ACAP1: variants seen among roughly 807,000 people sequenced by gnomAD.
ACAP1 encodes ArfGAP with coiled-coil, ankyrin repeat and PH domains 1, also known as arf-GAP with coiled-coil, ANK repeat and PH domain-containing protein 1.
A neutral mutation model predicts 98.8 loss-of-function variants in ACAP1; 45 were observed. The observed-to-expected ratio is 0.46, with a 90% CI of 0.36 to 0.58. The LOEUF is 0.58. Among genes scored for constraint, ACAP1 ranks in the 20% least tolerant of loss-of-function variants. ACAP1 has a pLI of 0.00. For synonymous variants in ACAP1, 362 were observed against 375.3 expected, an observed-to-expected ratio of 0.96 and a Z score of 0.41; for missense variants, 735 against 971.4, an observed-to-expected ratio of 0.76 and a Z score of 3.24.
At chr17:7,346,984 T>C in intron 13 of ACAP1, 47 bp from the exon 14 acceptor site, 2 of 1,584,716 alleles carry the variant, frequency 1.3e-6, no homozygotes, top group Non-Finnish European at 1.7e-6. Flanking sequence ...TGGGGCACCC[T>C]TTACCCTAGG....
At chr17:7,340,096 T>C (rs1360180058) in intron 2 of ACAP1, among the ~76,000 whole-genome samples, 1 of 151,680 alleles carries the variant, frequency 6.6e-6, no homozygotes, top group Non-Finnish European at 1.5e-5. Context: ...CCCTTGTCTC[T>C]AAATAATGTT....
chr17:7,342,703 C>T, intron 5 of ACAP1: 1 of 581,428 alleles, frequency 1.7e-6, no homozygotes, highest in Admixed American at 3.0e-5. Context: ...AGTTCGAGAC[C>T]AGCCTGTCTA....
intron 2 of ACAP1, 71 bp downstream of exon 2, chr17:7,337,440 G>A: frequency 1.4e-6 from 2 of 1,384,204 alleles, no homozygotes; most frequent in Non-Finnish European, 2.1e-6. Flanking sequence ...GAGAAAGCTG[G>A]AGACACAGAA....
Position 7,350,848 on chromosome 17 carries a change from G to A in ACAP1, c.2073-102G>A. 8.7e-7 allele frequency: 1 copy of A among 1,149,136 alleles called. No individual in the cohort carries two copies. 71.2% of individuals were successfully genotyped at this position (1,149,136 alleles called of 1,614,324 possible). A position where few individuals can be genotyped will look rare whatever the true frequency, so the allele number is the denominator to read the frequency against. ...GACGGTCTCGATCTCCTGACCTCGT[G>A]ATCCGCCTGCCTCGGCCTCCCAAAG... is the stretch of plus-strand genomic sequence containing the variant. On this transcript the variant is annotated intron_variant, in intron 20 of 21. Coordinates refer to ENST00000158762, the MANE Select transcript of ACAP1 (RefSeq NM_014716.4). The surrounding 1 kb of genome is among the most constrained non-coding windows in gnomAD (Gnocchi z 4.6).
rs1369627414 is a variant in ACAP1, at chr17:7,349,626, C to T, written c.1852-319C>T. 2.6e-5 allele frequency: 8 copies of T among 308,658 alleles called. No homozygotes were observed. In the South Asian group the frequency reaches 3.1e-4, roughly 12 times the overall value. The allele number at this position is 308,658 out of a possible 1,614,324, so 19.1% of individuals were successfully genotyped here. ...TCCTGACCTTGTGATCCACCCGCCT[C>T]GGCCTCCCAAAGTGCTGGGATTACT... On this transcript the variant is annotated intron_variant, in intron 18 of 21. Transcript: ENST00000158762.
chr17:7,342,436 A>C lies in ACAP1; in HGVS notation c.306A>C (p.Gln102His). Residue 102 changes from glutamine (Q) to histidine (H), a missense_variant, in exon 5 of 22, where the codon CAA becomes CAC. Coordinates refer to ENST00000158762, the MANE Select transcript of ACAP1 (RefSeq NM_014716.4). Reference protein sequence around the residue: ...DSHAELLDATQHTLQQQIQTL... With the variant: ...DSHAELLDATHHTLQQQIQTL... ...CTCAGGAGCTTCTAGATGCCACCCA[A>C]CACACACTGCAGCAGCAGATCCAGA... 6.2e-7 allele frequency: 1 copy of C among 1,614,158 alleles called. No homozygotes were observed. Among genetic ancestry groups the C allele is most frequent in the South Asian group, 1.1e-5 (1 of 91,086 alleles).
At chr17:7,351,237 G>A in intron 21 of ACAP1, 58 bp from the exon 22 acceptor site, 4 of 1,447,512 alleles carry the variant, frequency 2.8e-6, no homozygotes, top group Non-Finnish European at 3.8e-6. Context: ...CCAACCGCCG[G>A]ATCCTGCCCT....
rs2073330727 is a variant in ACAP1 at position 7,344,728 on chromosome 17, A to G, written c.854+80A>G. On this transcript the variant is annotated intron_variant, in intron 10 of 21. Transcript: ENST00000158762. This position sits in a 1 kb window ranked among gnomAD's most constrained non-coding sequence, Gnocchi z 4.9. ...TGGTAATAGCACACTAAGCACTGCAAGGAAAAACAGACGAACCCCCCTGCC... is the reference window on the plus strand; with the variant it reads ...TGGTAATAGCACACTAAGCACTGCAGGGAAAAACAGACGAACCCCCCTGCC... 1 of 1,044,758 alleles carries G rather than the reference A, an allele frequency of 9.6e-7. No homozygotes were observed. Among genetic ancestry groups the G allele is most frequent in the Non-Finnish European group, 1.4e-6 (1 of 697,614 alleles). 64.7% of individuals were successfully genotyped at this position (1,044,758 alleles called of 1,614,324 possible).
At chr17:7,348,611 G>T in intron 17 of ACAP1, 136 bp downstream of exon 17, 2 of 996,788 alleles carry the variant, frequency 2.0e-6, no homozygotes, top group Non-Finnish European at 2.8e-6. Flanking sequence ...CCGTTTCAGG[G>T]GTTACGGTGG....
At chr17:7,337,277 C>T (rs2073229734) in intron 1 of ACAP1, 35 bp from the exon 2 acceptor site, 1 of 1,609,106 alleles carries the variant, frequency 6.2e-7, no homozygotes, top group African/African-American at 1.3e-5. Flanking sequence ...ACCAGATGGA[C>T]CCAAGCTCTC....
chr17:7,339,712 T>C (rs558830989), intron 2 of ACAP1, among the ~76,000 whole-genome samples: 18 of 152,308 alleles, frequency 1.2e-4, no homozygotes, highest in African/African-American at 4.3e-4. Flanking sequence ...GCATATACTC[T>C]TTTTTGGTGT....
chr17:7,349,274 T>C, intron 18 of ACAP1, 107 bp downstream of exon 18: 1 of 1,226,706 alleles, frequency 8.2e-7, no homozygotes, highest in Admixed American at 2.3e-5. Flanking sequence ...CCCTAGGGCT[T>C]CCACCCATAG....
intron 18 of ACAP1, 86 bp from the exon 19 acceptor site, chr17:7,349,859 C>A: frequency 9.0e-7 from 1 of 1,116,370 alleles, no homozygotes; most frequent in Non-Finnish European, 1.3e-6. Context: ...CCCTCCCATT[C>A]TCTGAACTGG....
chr17:7,347,754 C>G, intron 14 of ACAP1, 168 bp from the exon 15 acceptor site: 1 of 620,240 alleles, frequency 1.6e-6, no homozygotes, highest in Admixed American at 2.8e-5. Flanking sequence ...AGGGCCAGGT[C>G]AAGGCTACAT....
Position 7,343,645 on chromosome 17 carries a change from A to G in ACAP1, c.529-61A>G. ...TTGGGGGTCTCCAGTGTGCAGTGGG[A>G]AGGGGTGCTGTGTCTTCAAGACTGA... On this transcript the variant is annotated intron_variant, in intron 6 of 21. Coordinates refer to ENST00000158762, the MANE Select transcript of ACAP1 (RefSeq NM_014716.4). The surrounding 1 kb of genome is among the most constrained non-coding windows in gnomAD (Gnocchi z 4.9). The G allele has an allele frequency of 6.3e-7, 1 of 1,598,952 alleles. No individual in the cohort carries two copies. The highest frequency in any genetic ancestry group is 8.5e-7 in the Non-Finnish European group (1 of 1,170,378).
At position 7,347,183 on chromosome 17, in the gene ACAP1, G is replaced by T; in HGVS notation, c.1284G>T (p.Pro428=). ...AQCCDCREPA[P]EWASINLGVT... ...GCTGCGACTGCCGGGAGCCAGCCCC[G>T]GAGTGGGCCAGCATCAACCTTGGTG... Residue 428 remains proline, a synonymous_variant, in exon 14 of 22, where the codon CCG becomes CCT. Transcript: ENST00000158762. 6.2e-7 allele frequency: 1 copy of T among 1,614,100 alleles called. No homozygotes were observed.
In ACAP1 at chr17:7,341,995, T is replaced by C. The variant is rs749578079; in HGVS notation, c.159T>C (p.Leu53=). 7 of 1,614,204 alleles carry C rather than the reference T, an allele frequency of 4.3e-6. No homozygotes were observed. Among genetic ancestry groups the C allele is most frequent in the Non-Finnish European group, 5.9e-6 (7 of 1,180,034 alleles). Residue 53 remains leucine (L), a synonymous_variant, in exon 3 of 22, where the codon CTT becomes CTC. Coordinates refer to ENST00000158762, the MANE Select transcript of ACAP1 (RefSeq NM_014716.4). ...TGLLESGRHY[L]AASRAFVVGI... is the part of the protein sequence containing the mutation. ...TCCTGGAAAGTGGGCGCCATTACCT[T>C]GCTGCCAGCCGCGCCTTCGTTGTCG...
At chr17:7,346,216 T>A in intron 10 of ACAP1, 28 bp from the exon 11 acceptor site, 1 of 1,611,406 alleles carries the variant, frequency 6.2e-7, no homozygotes, top group Non-Finnish European at 8.5e-7. Flanking sequence ...AAGCTGCCTA[T>A]GTCTGTAATG....
intron 2 of ACAP1, among the ~76,000 whole-genome samples, chr17:7,341,382 C>T (rs900888411): frequency 1.3e-5 from 2 of 152,236 alleles, no homozygotes; most frequent in African/African-American, 4.8e-5. Flanking sequence ...GCTGGGATTA[C>T]AGGCATGTGC....
Sources: gnomAD v4.1 joint callset for allele counts (sites outside exome capture counted in the v4.1 genomes callset) on GRCh38, gnomAD v4.1.1 for gene constraint, Gnocchi (gnomAD v3.1) non-coding constraint, MANE v1.5 for transcripts, NCBI Gene and HGNC (gene_info 2026-07-23, HGNC 2026-07-21) for gene names.